The following PUM1 variants were observed in gnomAD, a reference collection of about 807,000 sequenced individuals.
PUM1 encodes the protein pumilio homolog 1.
In PUM1, 13 loss-of-function variants were observed where a neutral mutation model predicts 131.8. The observed-to-expected ratio is 0.10, with a 90% CI of 0.06 to 0.16. The LOEUF (loss-of-function observed/expected upper bound fraction) is 0.16, where lower values mean the gene tolerates loss of function less well. Among genes scored for constraint, PUM1 ranks in the 10% least tolerant of loss-of-function variants. PUM1 has a pLI of 1.00. For missense variants in PUM1, 961 were observed against 1,512.4 expected, an observed-to-expected ratio of 0.64 and a Z score of 6.05; for synonymous variants, 509 against 556.5, an observed-to-expected ratio of 0.91 and a Z score of 1.20.
rs1390657188 is a variant in PUM1 at position 30,953,858 on chromosome 1, C to T, written c.2447G>A (p.Arg816His). 5 of 1,614,192 alleles carry T rather than the reference C, an allele frequency of 3.1e-6. No homozygotes were observed. Among genetic ancestry groups the T allele is most frequent in the Admixed American group, 1.7e-5 (1 of 60,022 alleles). Reference sequence around the variant, plus strand: ...GACATCAGACATTCCATATCGCAAACGAGAGGAAGAGAAAAGAGTGCTGCT... The same window carrying T: ...GACATCAGACATTCCATATCGCAAATGAGAGGAAGAGAAAAGAGTGCTGCT... The part of the protein sequence containing the change: ...SPSSTLFSSS[R>H]LRYGMSDVMP... Residue 816 changes from arginine to histidine, a missense_variant, in exon 15 of 22, where the codon CGT becomes CAT. Arg to His is a conservative substitution (Grantham distance 29, BLOSUM62 0). Transcript: ENST00000426105.
chr1:31,052,669 A>G (rs1644140185), intron 2 of PUM1, among the ~76,000 whole-genome samples: 1 of 142,302 alleles, frequency 7.0e-6, no homozygotes, highest in Non-Finnish European at 1.5e-5. Flanking sequence ...ACCCAGCTTT[A>G]TTTTCTAGTA....
At chr1:30,968,290 T>C in intron 11 of PUM1, 64 bp downstream of exon 11, 2 of 1,593,342 alleles carry the variant, frequency 1.3e-6, no homozygotes, top group Non-Finnish European at 8.6e-7. Context: ...TTCCCCTCTG[T>C]AATCACCTCA....
At chr1:30,986,175 A>T (rs913474654) in intron 7 of PUM1, among the ~76,000 whole-genome samples, 7 of 152,104 alleles carry the variant, frequency 4.6e-5, no homozygotes, top group African/African-American at 1.7e-4. Flanking sequence ...GGCTGATCTC[A>T]AACTCCTGAC....
At chr1:31,007,218 T>TA in intron 3 of PUM1, 116 bp from the exon 4 acceptor site, 1 of 725,278 alleles carries the variant, frequency 1.4e-6, no homozygotes, top group Non-Finnish European at 2.4e-6. Context: ...TGAAGGTCTT[T>TA]AATTAAAGTG....
intron 2 of PUM1, among the ~76,000 whole-genome samples, chr1:31,044,584 T>C (rs1435116770): frequency 2.0e-5 from 3 of 152,114 alleles, no homozygotes; most frequent in African/African-American, 7.2e-5. Flanking sequence ...TGACGGCTGC[T>C]GGGTAAAGGA....
intron 1 of PUM1, 120 bp from the exon 2 acceptor site, chr1:31,059,697 C>T: frequency 1.7e-6 from 2 of 1,201,612 alleles, no homozygotes; most frequent in Non-Finnish European, 2.3e-6. Flanking sequence ...GTGGCATGCA[C>T]TCTGGCAAGG....
At chr1:30,952,994 A>G (rs1468906773) in intron 15 of PUM1, among the ~76,000 whole-genome samples, 2 of 150,888 alleles carry the variant, frequency 1.3e-5, no homozygotes, top group East Asian at 3.9e-4. Flanking sequence ...AAAACAAAAC[A>G]AAACAAAACA....
chr1:31,035,651 T>A (rs772448545), intron 2 of PUM1, among the ~76,000 whole-genome samples: 2 of 151,888 alleles, frequency 1.3e-5, no homozygotes, highest in African/African-American at 4.8e-5. Context: ...CTCAGGAGGC[T>A]GAGGCAGGAG....
At chr1:30,950,085 G>C in intron 17 of PUM1, 42 bp downstream of exon 17, 1 of 1,593,992 alleles carries the variant, frequency 6.3e-7, no homozygotes, top group Non-Finnish European at 8.6e-7. Context: ...GTACCATGGA[G>C]AAACATCAAA....
intron 5 of PUM1, among the ~76,000 whole-genome samples, chr1:31,001,535 T>C (rs1570246528): frequency 3.3e-5 from 5 of 152,294 alleles, no homozygotes; most frequent in South Asian, 4.1e-4. Flanking sequence ...AAATTGAAAT[T>C]AGAACAAACA....
chr1:31,052,214 G>C (rs113184146), intron 2 of PUM1, among the ~76,000 whole-genome samples: 1 of 151,640 alleles, frequency 6.6e-6, no homozygotes, highest in Non-Finnish European at 1.5e-5. Flanking sequence ...GGGTTTCACC[G>C]TGTTAGCCAG....
At chr1:31,023,924 CA>C (rs11373685) in intron 3 of PUM1, among the ~76,000 whole-genome samples, 1,917 of 82,130 alleles carry the variant, frequency 0.023, 16 homozygotes, top group Non-Finnish European at 0.038. Context: ...GACTCTGTCT[CA>C]AAAAAAAAAA....
At chr1:30,999,031 C>T (rs984359743) in intron 5 of PUM1, among the ~76,000 whole-genome samples, 1 of 151,854 alleles carries the variant, frequency 6.6e-6, no homozygotes, top group African/African-American at 2.4e-5. Context: ...GACAGGGTCT[C>T]GCTCTTTCAC....
chr1:31,043,875 T>C (rs1273608932), intron 2 of PUM1, among the ~76,000 whole-genome samples: 1 of 152,210 alleles, frequency 6.6e-6, no homozygotes, highest in Admixed American at 6.6e-5. Flanking sequence ...CCATCCCCCA[T>C]TTCTAATGAG....
At chr1:30,956,559 C>T (rs1330928861) in intron 14 of PUM1, among the ~76,000 whole-genome samples, 3 of 152,128 alleles carry the variant, frequency 2.0e-5, no homozygotes, top group Non-Finnish European at 2.9e-5. Flanking sequence ...CCACGGCGCC[C>T]GGCCAAGACT....
At chr1:31,023,129 G>A (rs574142724) in intron 3 of PUM1, among the ~76,000 whole-genome samples, 57 of 151,004 alleles carry the variant, frequency 3.8e-4, no homozygotes, top group African/African-American at 1.3e-3. Flanking sequence ...AGCTGAGATC[G>A]CACCACTGCA....
At chr1:31,057,652 G>C (rs959634373) in intron 2 of PUM1, among the ~76,000 whole-genome samples, 1 of 150,138 alleles carries the variant, frequency 6.7e-6, no homozygotes, top group Non-Finnish European at 1.5e-5. Context: ...TTAAACCTGG[G>C]AGGGGGAGGT....
Position 31,019,909 on chromosome 1 carries a change from G to GTT in PUM1, c.432+8885_432+8886dup, listed in dbSNP as rs201068127. On this transcript the variant is annotated intron_variant, in intron 3 of 21. Transcript: ENST00000426105. ...TTTACATATGAATAAACTACACAAG[G>GTT]TTTTTTTTTTTTAGATTCAGAGAGC... Among the ~76,000 whole-genome samples the GTT allele has an allele frequency of 2.3e-4, 34 of 145,590 alleles. No homozygotes were observed. In the South Asian group the frequency reaches 4.1e-3, roughly 17 times the overall value.
At chr1:30,963,051 C>T (rs944266146) in intron 14 of PUM1, among the ~76,000 whole-genome samples, 8 of 152,222 alleles carry the variant, frequency 5.3e-5, no homozygotes, top group East Asian at 3.9e-4. Flanking sequence ...GCTTTGGAGT[C>T]GAAAAGGCTT....
Sources: allele counts gnomAD v4.1 joint callset (sites outside exome capture counted in the v4.1 genomes callset), GRCh38; gene constraint gnomAD v4.1.1; transcripts MANE v1.5; gene names NCBI Gene and HGNC (gene_info 2026-07-23, HGNC 2026-07-21).